STRBP: variants seen among roughly 807,000 people sequenced by gnomAD.
STRBP encodes spermatid perinuclear RNA-binding protein.
In STRBP, 13 loss-of-function variants were observed where a neutral mutation model predicts 80.1. The observed-to-expected ratio is 0.16, with a 90% CI of 0.11 to 0.26. STRBP has a LOEUF of 0.26. Ranked by LOEUF, STRBP falls within the 10% of genes least tolerant of loss-of-function variation. The probability of loss-of-function intolerance (pLI) is 1.00; values close to 1 mark genes in which losing one functional copy is unlikely to be tolerated. For synonymous variants in STRBP, 284 were observed against 291.2 expected (o/e 0.98, Z 0.25); for missense variants, 485 against 815.2 (o/e 0.59, Z 4.93).
At chr9:123,236,614 AGAG>A (rs1452028448) in intron 2 of STRBP, among the ~76,000 whole-genome samples, 2 of 152,040 alleles carry the variant, frequency 1.3e-5, no homozygotes, top group Non-Finnish European at 2.9e-5. Context: ...AAAGGATACA[AGAG>A]TAGTGACCAC....
At chr9:123,260,584 A>C (rs577239119) in intron 1 of STRBP, among the ~76,000 whole-genome samples, 11 of 152,232 alleles carry the variant, frequency 7.2e-5, no homozygotes, top group South Asian at 2.1e-4. Context: ...TTCTGTGCAG[A>C]AGATAAGGAA....
intron 1 of STRBP, among the ~76,000 whole-genome samples, chr9:123,245,740 A>C (rs966476553): frequency 2.0e-5 from 3 of 152,236 alleles, no homozygotes; most frequent in African/African-American, 7.2e-5. Flanking sequence ...AAGAATGAGA[A>C]TCAGTATCCT....
chr9:123,203,971 C>CA (rs2039422701), intron 2 of STRBP, among the ~76,000 whole-genome samples: 1 of 135,798 alleles, frequency 7.4e-6, no homozygotes, highest in African/African-American at 3.3e-5. Flanking sequence ...GACTCTGTCT[C>CA]AAAAAAACAA....
chr9:123,171,435 A>C (rs1448498274), intron 5 of STRBP, among the ~76,000 whole-genome samples: 1 of 152,186 alleles, frequency 6.6e-6, no homozygotes, highest in East Asian at 1.9e-4. Context: ...ATAATATCGT[A>C]TCAGAGACTG....
At chr9:123,173,144 T>C (rs966030976) in intron 5 of STRBP, among the ~76,000 whole-genome samples, 10 of 152,148 alleles carry the variant, frequency 6.6e-5, no homozygotes, top group Admixed American at 1.3e-4. Context: ...CCAGGGAACA[T>C]GCCAGCATCA....
At chr9:123,207,591 G>A (rs930132201) in intron 2 of STRBP, among the ~76,000 whole-genome samples, 11 of 152,062 alleles carry the variant, frequency 7.2e-5, no homozygotes, top group African/African-American at 2.4e-4. Context: ...AAGCGGGGTC[G>A]GGGGCTAGGG....
At chr9:123,137,600 G>A (rs988602293) in intron 14 of STRBP, among the ~76,000 whole-genome samples, 1 of 152,042 alleles carries the variant, frequency 6.6e-6, no homozygotes, top group African/African-American at 2.4e-5. Context: ...TAGAGACAGG[G>A]TATCGCCACG....
chr9:123,249,442 C>A (rs777120419), intron 1 of STRBP, among the ~76,000 whole-genome samples: 6 of 151,878 alleles, frequency 4.0e-5, no homozygotes, highest in Non-Finnish European at 8.8e-5. Context: ...GAGCTTGAGA[C>A]CAGCCAGGGC....
chr9:123,198,571 A>C (rs1048296881), intron 2 of STRBP, among the ~76,000 whole-genome samples: 17 of 151,952 alleles, frequency 1.1e-4, no homozygotes, highest in African/African-American at 4.1e-4. Context: ...TTACTCTATT[A>C]TTTCTTTTGC....
chr9:123,252,315 C>CT (rs932435974), intron 1 of STRBP, among the ~76,000 whole-genome samples: 26 of 152,270 alleles, frequency 1.7e-4, no homozygotes, highest in African/African-American at 5.3e-4. Flanking sequence ...GTGCTGAGCC[C>CT]TTTAGAGACA....
chr9:123,260,444 C>T (rs2041136335), intron 1 of STRBP, among the ~76,000 whole-genome samples: 1 of 152,118 alleles, frequency 6.6e-6, no homozygotes. Context: ...CATTTAAGCA[C>T]AAAATAACTT....
At chr9:123,199,913 G>A (rs1421205709) in intron 2 of STRBP, among the ~76,000 whole-genome samples, 1 of 152,044 alleles carries the variant, frequency 6.6e-6, no homozygotes, top group East Asian at 1.9e-4. Context: ...TGTTTAATAG[G>A]AGTGGTGAAA....
At chr9:123,120,281 A>G (rs930187083), downstream of STRBP, among the ~76,000 whole-genome samples, 3 of 151,500 alleles carry the variant, frequency 2.0e-5, no homozygotes, top group Non-Finnish European at 4.4e-5. Flanking sequence ...GTCAGACTGT[A>G]TAGAGTATGA....
chr9:123,124,519 G>A lies in STRBP; in HGVS notation c.*1078C>T, dbSNP rs542735042. The A allele has an allele frequency of 9.1e-6, 9 of 985,392 alleles. No individual in the cohort carries two copies. In the African/African-American group the frequency reaches 1.4e-4, roughly 15 times the overall value. The allele number at this position is 985,392 out of a possible 1,614,324, so 61.0% of individuals were successfully genotyped here. A position where few individuals can be genotyped will look rare whatever the true frequency, so the allele number is the denominator to read the frequency against. Reference sequence around the variant, plus strand: ...CACTTTTCACAGCAGCACTCAACAAGAACTGGGACAATCGAAGAGCAAGTT... The same window carrying A: ...CACTTTTCACAGCAGCACTCAACAAAAACTGGGACAATCGAAGAGCAAGTT... On this transcript the variant is annotated 3_prime_UTR_variant, in exon 19 of 19. Transcript: ENST00000348403.
intron 1 of STRBP, among the ~76,000 whole-genome samples, chr9:123,244,750 C>T (rs1279682020): frequency 1.3e-5 from 2 of 152,196 alleles, no homozygotes; most frequent in Non-Finnish European, 2.9e-5. Flanking sequence ...ACAGCACTAT[C>T]TGAGAAAACT....
chr9:123,192,297 G>A (rs566307416), intron 2 of STRBP, among the ~76,000 whole-genome samples: 1 of 152,196 alleles, frequency 6.6e-6, no homozygotes, highest in South Asian at 2.1e-4. Context: ...CCAAGGGAGT[G>A]GGTGTACCAA....
intron 6 of STRBP, among the ~76,000 whole-genome samples, chr9:123,163,772 T>A (rs964252518): frequency 6.6e-6 from 1 of 152,210 alleles, no homozygotes; most frequent in African/African-American, 2.4e-5. Flanking sequence ...ATCGCAAAGC[T>A]GCTGCTGGGA....
intron 1 of STRBP, among the ~76,000 whole-genome samples, chr9:123,243,265 C>CAAAAA (rs1160280485): frequency 6.8e-4 from 54 of 78,928 alleles, no homozygotes; most frequent in South Asian, 1.1e-3. Flanking sequence ...ATCAATAAGA[C>CAAAAA]AAAAAAAAAA....
chr9:123,200,495 A>C (rs1378566315), intron 2 of STRBP, among the ~76,000 whole-genome samples: 3 of 151,550 alleles, frequency 2.0e-5, no homozygotes, highest in African/African-American at 7.3e-5. Context: ...ATTGGTACCA[A>C]GTCTCTGAAT....
Sources: gnomAD v4.1 joint callset for allele counts (sites outside exome capture counted in the v4.1 genomes callset) on GRCh38, gnomAD v4.1.1 for gene constraint, MANE v1.5 for transcripts, NCBI Gene and HGNC (gene_info 2026-07-23, HGNC 2026-07-21) for gene names.